Variants in RILPL1 observed in about 807,000 individuals in gnomAD.
RILPL1 encodes Rab interacting lysosomal protein like 1, also known as RILP-like protein 1.
Under a neutral mutation model 50.3 loss-of-function variants are expected in RILPL1, and 33 were observed. The observed-to-expected ratio is 0.66, with a 90% CI of 0.50 to 0.88. RILPL1 has a LOEUF of 0.88. Among genes scored for constraint, RILPL1 ranks in the 40% least tolerant of loss-of-function variants. The pLI is 0.00. For synonymous variants in RILPL1, 205 were observed against 228.6 expected, an observed-to-expected ratio of 0.90 and a Z score of 0.93; for missense variants, 418 against 542.5, an observed-to-expected ratio of 0.77 and a Z score of 2.28.
chr12:123,497,418 T>C (rs1330827115), intron 4 of RILPL1, among the ~76,000 whole-genome samples: 1 of 152,180 alleles, frequency 6.6e-6, no homozygotes, highest in Non-Finnish European at 1.5e-5. Flanking sequence ...GGGGTCTGAC[T>C]CACTCTGTTG....
intron 2 of RILPL1, among the ~76,000 whole-genome samples, chr12:123,509,382 G>A (rs1440564451): frequency 3.3e-5 from 5 of 151,968 alleles, no homozygotes; most frequent in South Asian, 2.1e-4. Context: ...TGACCAACAC[G>A]GAGAAACCCC....
chr12:123,532,428 G>T (rs1218903812), intron 1 of RILPL1, among the ~76,000 whole-genome samples: 2 of 152,068 alleles, frequency 1.3e-5, no homozygotes, highest in Non-Finnish European at 2.9e-5. Flanking sequence ...ATTCAAACAG[G>T]GTGGGGAGGA....
chr12:123,516,847 GC>G (rs1478857365), intron 2 of RILPL1, among the ~76,000 whole-genome samples: 2 of 152,142 alleles, frequency 1.3e-5, no homozygotes, highest in South Asian at 4.1e-4. Flanking sequence ...GATCACTTGA[GC>G]CCAGGAGCTT....
chr12:123,472,135 CTA>C lies in RILPL1; in HGVS notation c.*401_*402del, dbSNP rs765520609. 4 of 178,734 alleles carry C rather than the reference CTA, an allele frequency of 2.2e-5. No homozygotes were observed. Among genetic ancestry groups the C allele is most frequent in the Admixed American group, 1.1e-4 (2 of 18,312 alleles). The allele number at this position is 178,734 out of a possible 1,614,324, so 11.1% of individuals were successfully genotyped here. On this transcript the variant is annotated 3_prime_UTR_variant, in exon 7 of 7. Coordinates refer to ENST00000376874, the MANE Select transcript of RILPL1 (RefSeq NM_178314.5). ...TAGCCCTTCCATGCCTCCTGCTGAA[CTA>C]TGTCACCTGTGATAATAAAACCTCT...
In RILPL1 at chr12:123,491,092, G is replaced by A. The variant is rs1882662453; in HGVS notation, c.802-5287C>T. 6.6e-6 allele frequency among the ~76,000 whole-genome samples: 1 copy of A among 152,204 alleles called. No homozygotes were observed. Among genetic ancestry groups the A allele is most frequent in the African/African-American group, 2.4e-5 (1 of 41,458 alleles). ...GCCTGAAAGTACAGGCAGAAGGACA[G>A]CCCTGGGCTCCAGCTTCTCGAGAGG... On this transcript the variant is annotated intron_variant, in intron 4 of 6. Coordinates refer to ENST00000376874, the MANE Select transcript of RILPL1 (RefSeq NM_178314.5). This position sits in a 1 kb window ranked among gnomAD's most constrained non-coding sequence, Gnocchi z 4.0.
intron 6 of RILPL1, chr12:123,474,138 G>A (rs1881425850): frequency 6.6e-6 from 1 of 152,230 alleles, no homozygotes; most frequent in Non-Finnish European, 1.5e-5. Context: ...CACCTGCCTT[G>A]GCCTCCCAAA....
At chr12:123,492,570 GCCTTGTCT>G (rs1882769587) in intron 4 of RILPL1, among the ~76,000 whole-genome samples, 1 of 152,170 alleles carries the variant, frequency 6.6e-6, no homozygotes, top group South Asian at 2.1e-4. Flanking sequence ...AATAGAAAGA[GCCTTGTCT>G]CCTGGTGATC....
chr12:123,472,721 C>T (rs1881278368), intron 6 of RILPL1, 39 bp from the exon 7 acceptor site: 2 of 1,577,212 alleles, frequency 1.3e-6, no homozygotes, highest in South Asian at 1.2e-5. Context: ...GAGAGCTGAC[C>T]CTTTGCTGTG....
intron 6 of RILPL1, among the ~76,000 whole-genome samples, chr12:123,477,337 CTTTTTTT>C (rs371346379): frequency 5.7e-5 from 6 of 105,378 alleles, no homozygotes; most frequent in African/African-American, 9.7e-5. Flanking sequence ...TTCTTTCTTT[CTTTTTTT>C]TTTTTTTTTT....
chr12:123,513,297 C>A (rs1205836781), intron 2 of RILPL1: 4 of 324,314 alleles, frequency 1.2e-5, no homozygotes, highest in Non-Finnish European at 2.6e-5. Context: ...CCCGACCCCC[C>A]GCCTGCCATT....
intron 2 of RILPL1, 117 bp downstream of exon 2, chr12:123,523,378 G>A (rs1221365469): frequency 6.6e-6 from 8 of 1,207,488 alleles, no homozygotes; most frequent in Non-Finnish European, 9.5e-6. Flanking sequence ...AAGGCAAAGG[G>A]CTTTGGGAAT....
At chr12:123,531,043 C>T (rs1425778798) in intron 1 of RILPL1, among the ~76,000 whole-genome samples, 1 of 150,246 alleles carries the variant, frequency 6.7e-6, no homozygotes, top group Non-Finnish European at 1.5e-5. Context: ...TGGAGGTGGA[C>T]AGACTAAACC....
At position 123,498,995 on chromosome 12, in the gene RILPL1, A is replaced by G. The variant is rs9697415; in HGVS notation, c.580-230T>C. On this transcript the variant is annotated intron_variant, in intron 3 of 6. Transcript: ENST00000376874. This position sits in a 1 kb window ranked among gnomAD's most constrained non-coding sequence, Gnocchi z 4.3. ...GTCTTGCTAGAATTAATACATTATG[A>G]AAATTTCCCAACAAATGGAAGTAAC... Among the ~76,000 whole-genome samples the G allele has an allele frequency of 0.13, 19,540 of 152,268 alleles. 1,491 individuals are homozygous for G. The highest frequency in any genetic ancestry group is 0.17 in the Non-Finnish European group (11,888 of 68,010).
intron 2 of RILPL1, among the ~76,000 whole-genome samples, chr12:123,499,882 C>T (rs1237886879): frequency 1.3e-5 from 2 of 152,092 alleles, no homozygotes; most frequent in Admixed American, 1.3e-4. Context: ...GCCTCTACCT[C>T]CCCCACACCT....
chr12:123,531,258 G>A lies in RILPL1; in HGVS notation c.309+1916C>T, dbSNP rs192996845. The stretch of plus-strand genomic sequence containing the variant: ...AAGTCAACAAGCCCTGGCCCTGAGC[G>A]CACGGTGTTCACTTCCCAGCTGAAC... On this transcript the variant is annotated intron_variant, in intron 1 of 6. Transcript: ENST00000376874. 5.3e-4 allele frequency among the ~76,000 whole-genome samples: 80 copies of A among 152,198 alleles called. 1 individual carries two copies. The highest frequency in any genetic ancestry group is 3.4e-3 in the Middle Eastern group (1 of 294).
In RILPL1 at chr12:123,522,908, G is replaced by C. The variant is rs139709071; in HGVS notation, c.460+587C>G. On this transcript the variant is annotated intron_variant, in intron 2 of 6. Transcript: ENST00000376874. The surrounding 1 kb of genome is among the most constrained non-coding windows in gnomAD (Gnocchi z 4.0). ...GCGCGCGGCCTACACCGGCCTTCTTGGTTTCCCCCAAATGCTCATGTCCCA... is the reference window on the plus strand; with the variant it reads ...GCGCGCGGCCTACACCGGCCTTCTTCGTTTCCCCCAAATGCTCATGTCCCA... Among the ~76,000 whole-genome samples the C allele has an allele frequency of 1.2e-3, 180 of 152,230 alleles. No homozygotes were observed. Among genetic ancestry groups the C allele is most frequent in the African/African-American group, 4.0e-3 (167 of 41,520 alleles).
intron 2 of RILPL1, among the ~76,000 whole-genome samples, chr12:123,511,798 T>C (rs1479017613): frequency 1.5e-5 from 2 of 133,192 alleles, no homozygotes; most frequent in Non-Finnish European, 3.1e-5. Flanking sequence ...GTGAGGTCTG[T>C]GTGTGGTGTG....
At chr12:123,483,380 C>T (rs1194403340) in intron 6 of RILPL1, among the ~76,000 whole-genome samples, 1 of 152,196 alleles carries the variant, frequency 6.6e-6, no homozygotes, top group Admixed American at 6.5e-5. Context: ...ATGATGCTTC[C>T]ACCCCACAAC....
In RILPL1 at chr12:123,482,620, CT is replaced by C. The variant is rs1203812533; in HGVS notation, c.1067+1559del. Among the ~76,000 whole-genome samples the C allele has an allele frequency of 8.5e-3, 1,188 of 139,868 alleles. 10 individuals carry two copies. The highest frequency in any genetic ancestry group is 0.025 in the African/African-American group (942 of 37,708). The allele number at this position is 139,868 out of a possible 152,430, so 91.8% of individuals were successfully genotyped here. A position where few individuals can be genotyped will look rare whatever the true frequency, so the allele number is the denominator to read the frequency against. On this transcript the variant is annotated intron_variant, in intron 6 of 6. Coordinates refer to ENST00000376874, the MANE Select transcript of RILPL1 (RefSeq NM_178314.5). ...TTCTTTTTTATCCCTCTCTCTCTCT[CT>C]TTTTTTTTTTTTTTCGAGACAGGGT... is the stretch of plus-strand genomic sequence containing the variant.
Sources: allele counts gnomAD v4.1 joint callset (sites outside exome capture counted in the v4.1 genomes callset), GRCh38; gene constraint gnomAD v4.1.1; non-coding constraint Gnocchi (gnomAD v3.1); transcripts MANE v1.5; gene names NCBI Gene and HGNC (gene_info 2026-07-23, HGNC 2026-07-21).